TRPM3: variants seen among roughly 807,000 people sequenced by gnomAD.
TRPM3 encodes long transient receptor potential channel 3.
A neutral mutation model predicts 181.2 loss-of-function variants in TRPM3; 77 were observed. The observed-to-expected ratio is 0.42, with a 90% CI of 0.35 to 0.51. The LOEUF is 0.51. Ranked by LOEUF, TRPM3 falls within the 20% of genes least tolerant of loss-of-function variation. The pLI is 0.01. For synonymous variants in TRPM3, 745 were observed against 796.4 expected, an observed-to-expected ratio of 0.94 and a Z score of 1.09; for missense variants, 1,759 against 2,196.7, an observed-to-expected ratio of 0.80 and a Z score of 3.98.
chr9:70,767,734 C>T (rs1250345512), intron 7 of TRPM3, among the ~76,000 whole-genome samples: 1 of 152,114 alleles, frequency 6.6e-6, no homozygotes, highest in Non-Finnish European at 1.5e-5. Flanking sequence ...TGGTACCTGG[C>T]CTGGTCTGGC....
intron 6 of TRPM3, among the ~76,000 whole-genome samples, chr9:70,794,009 T>G (rs1303201507): frequency 7.2e-5 from 11 of 152,196 alleles, no homozygotes; most frequent in Admixed American, 7.2e-4. Context: ...TAAAATCGTT[T>G]GATTGGACAT....
chr9:70,823,901 A>T (rs1238335142), intron 6 of TRPM3, among the ~76,000 whole-genome samples: 1 of 152,228 alleles, frequency 6.6e-6, no homozygotes, highest in African/African-American at 2.4e-5. Flanking sequence ...TCTCTTTTAT[A>T]AACAAAGCCC....
At chr9:71,158,572 G>A (rs1449017465) in intron 1 of TRPM3, among the ~76,000 whole-genome samples, 1 of 152,154 alleles carries the variant, frequency 6.6e-6, no homozygotes, top group African/African-American at 2.4e-5. Flanking sequence ...CGAATAAGCA[G>A]TGCACTTGGG....
At chr9:70,793,200 T>C (rs770942409) in intron 6 of TRPM3, among the ~76,000 whole-genome samples, 33 of 152,280 alleles carry the variant, frequency 2.2e-4, no homozygotes, top group Middle Eastern at 6.8e-3. Context: ...TATGCCGTAA[T>C]CCCAGCTCTT....
intron 1 of TRPM3, among the ~76,000 whole-genome samples, chr9:70,953,603 T>G (rs753558708): frequency 1.3e-5 from 2 of 152,182 alleles, no homozygotes; most frequent in Non-Finnish European, 2.9e-5. Context: ...TTATTTAATA[T>G]GAGGTGAGAT....
chr9:70,569,162 C>T (rs1046552935), intron 22 of TRPM3, among the ~76,000 whole-genome samples: 1 of 152,138 alleles, frequency 6.6e-6, no homozygotes, highest in South Asian at 2.1e-4. Flanking sequence ...CATTCCACAG[C>T]CTCAAAGACT....
chr9:71,260,723 T>C (rs1028359201), intron 1 of TRPM3, among the ~76,000 whole-genome samples: 1 of 152,326 alleles, frequency 6.6e-6, no homozygotes, highest in South Asian at 2.1e-4. Context: ...TTTTTGCACA[T>C]TGATTTTGTA....
intron 1 of TRPM3, among the ~76,000 whole-genome samples, chr9:71,149,835 G>A (rs769415219): frequency 6.6e-6 from 1 of 151,622 alleles, no homozygotes; most frequent in Non-Finnish European, 1.5e-5. Flanking sequence ...GTGGTGGCAC[G>A]CACCTGTGGT....
chr9:71,028,849 TG>T (rs2056927306), intron 1 of TRPM3, among the ~76,000 whole-genome samples: 1 of 152,102 alleles, frequency 6.6e-6, no homozygotes, highest in Admixed American at 6.5e-5. Flanking sequence ...AACACCCCAC[TG>T]ACAGTGTTAG....
intron 1 of TRPM3, among the ~76,000 whole-genome samples, chr9:71,018,153 T>C (rs1276663095): frequency 1.3e-5 from 2 of 151,942 alleles, no homozygotes; most frequent in Non-Finnish European, 3.0e-5. Context: ...TGACACGTTA[T>C]AACTTGAAGA....
chr9:70,923,977 A>G lies in TRPM3; in HGVS notation c.178-59466T>C, dbSNP rs183407080. Among the ~76,000 whole-genome samples, 306 of 151,174 alleles carry G rather than the reference A, an allele frequency of 2.0e-3. 2 individuals carry two copies. Among genetic ancestry groups the G allele is most frequent in the African/African-American group, 7.2e-3 (294 of 41,106 alleles). On this transcript the variant is annotated intron_variant, in intron 1 of 25. Transcript: ENST00000677713. ...ACACACACATATATATATACACACA[A>G]TCTATCTATCTATTTATCTATCTAT...
intron 9 of TRPM3, among the ~76,000 whole-genome samples, chr9:70,669,274 A>G (rs7854748): frequency 0.38 from 57,671 of 152,102 alleles, 11,378 homozygotes; most frequent in African/African-American, 0.47. Context: ...TTCAGCTTTC[A>G]GATTTCACAG....
chr9:71,304,125 C>T (rs1171937103), intron 1 of TRPM3, among the ~76,000 whole-genome samples: 1 of 152,132 alleles, frequency 6.6e-6, no homozygotes, highest in Non-Finnish European at 1.5e-5. Flanking sequence ...AAACTGCACA[C>T]ATAATTGATG....
chr9:71,439,619 TCA>T (rs2094104813), intron 1 of TRPM3, among the ~76,000 whole-genome samples: 1 of 152,076 alleles, frequency 6.6e-6, no homozygotes, highest in Admixed American at 6.5e-5. Flanking sequence ...TTGGCTCAGG[TCA>T]GAGACTGGGA....
intron 1 of TRPM3, among the ~76,000 whole-genome samples, chr9:70,887,843 GAT>G (rs1397926055): frequency 6.6e-6 from 1 of 152,106 alleles, no homozygotes; most frequent in Non-Finnish European, 1.5e-5. Flanking sequence ...CAGAAGCAGA[GAT>G]ACAGTCTATA....
chr9:70,636,934 C>A (rs971860042), intron 11 of TRPM3, among the ~76,000 whole-genome samples: 34 of 152,102 alleles, frequency 2.2e-4, no homozygotes, highest in African/African-American at 8.0e-4. Context: ...GTGATCCATC[C>A]GCCTTGGCCT....
chr9:71,366,917 A>G (rs1025338179), intron 1 of TRPM3, among the ~76,000 whole-genome samples: 4 of 152,148 alleles, frequency 2.6e-5, no homozygotes, highest in African/African-American at 9.7e-5. Flanking sequence ...AACTGAAAGA[A>G]GTTGAAGATT....
At chr9:71,278,543 G>T (rs1376384175) in intron 1 of TRPM3, among the ~76,000 whole-genome samples, 1 of 152,178 alleles carries the variant, frequency 6.6e-6, no homozygotes, top group Admixed American at 6.5e-5. Context: ...TTCTTAAACA[G>T]TATAGGTTAT....
intron 6 of TRPM3, among the ~76,000 whole-genome samples, chr9:70,814,742 T>TG (rs2092521538): frequency 1.3e-5 from 2 of 152,020 alleles, no homozygotes; most frequent in African/African-American, 4.8e-5. Context: ...AACACAGCTG[T>TG]GGGGGCACTT....
Sources: gnomAD v4.1 joint callset for allele counts (sites outside exome capture counted in the v4.1 genomes callset) on GRCh38, gnomAD v4.1.1 for gene constraint, MANE v1.5 for transcripts, NCBI Gene and HGNC (gene_info 2026-07-23, HGNC 2026-07-21) for gene names.